TAF5L: variants seen among roughly 807,000 people sequenced by gnomAD.
The protein encoded by TAF5L is TATA-box binding protein associated factor 5 like.
In TAF5L, 7 loss-of-function variants were observed where a neutral mutation model predicts 51.3. The ratio of observed to expected loss-of-function variants is 0.14; its 90% CI spans 0.08 to 0.26. The LOEUF (loss-of-function observed/expected upper bound fraction) is 0.26. TAF5L is among the 10% of genes least tolerant of loss of function. The pLI, the probability that TAF5L is intolerant of heterozygous loss-of-function variation, is 1.00. For missense variants in TAF5L, 575 were observed against 758.9 expected (o/e 0.76, Z 2.85); for synonymous variants, 291 against 308.1 (o/e 0.94, Z 0.58).
At chr1:229,598,511 C>T (rs1445860312) in intron 4 of TAF5L, among the ~76,000 whole-genome samples, 1 of 152,120 alleles carries the variant, frequency 6.6e-6, no homozygotes, top group East Asian at 1.9e-4. Context: ...GAATTGCACA[C>T]AGCTGTTTTA....
In TAF5L at chr1:229,622,081, A is replaced by G. The variant is rs4925460; in HGVS notation, c.-4+3804T>C. On this transcript the variant is annotated intron_variant, in intron 1 of 4. Transcript: ENST00000258281. ...TCTATCTATCTATACAGATAGATAT[A>G]TATAGATATACAGATATGTGTGTGT... Among the ~76,000 whole-genome samples, 1,318 of 152,278 alleles carry G rather than the reference A, an allele frequency of 8.7e-3. 42 individuals carry two copies. Among genetic ancestry groups the G allele is most frequent in the Admixed American group, 0.049 (756 of 15,294 alleles).
chr1:229,594,573 G>A lies in TAF5L; in HGVS notation c.1494C>T (p.Ala498=), dbSNP rs1235528887. 6.2e-7 allele frequency: 1 copy of A among 1,614,076 alleles called. No individual in the cohort carries two copies. Among genetic ancestry groups the A allele is most frequent in the Non-Finnish European group, 8.5e-7 (1 of 1,180,044 alleles). The change falls in exon 5 of 5, where the codon GCC becomes GCT. Residue 498 remains alanine, a synonymous_variant. Transcript: ENST00000258281. This position sits in a 1 kb window ranked among gnomAD's most constrained non-coding sequence, Gnocchi z 7.9. ...TCAACTCTTTATAAAGGGTCCCAGAGGCCAAGTCCCACAGCTTCAACCGCT... is the reference window on the plus strand; with the variant it reads ...TCAACTCTTTATAAAGGGTCCCAGAAGCCAAGTCCCACAGCTTCAACCGCT...
At chr1:229,611,254 C>T (rs1450951967) in intron 2 of TAF5L, among the ~76,000 whole-genome samples, 2 of 152,126 alleles carry the variant, frequency 1.3e-5, no homozygotes. Context: ...CACACTTAAT[C>T]TCCAATCTGT....
intron 1 of TAF5L, among the ~76,000 whole-genome samples, chr1:229,614,970 G>C (rs1664925903): frequency 1.3e-5 from 2 of 152,208 alleles, no homozygotes; most frequent in African/African-American, 4.8e-5. Flanking sequence ...TGTTAACAAA[G>C]CATGAAGTTA....
intron 1 of TAF5L, among the ~76,000 whole-genome samples, chr1:229,619,992 G>A (rs1001874441): frequency 5.9e-5 from 9 of 151,836 alleles, no homozygotes; most frequent in African/African-American, 1.2e-4. Flanking sequence ...TTTCTTAGCC[G>A]GCTTAATGGT....
chr1:229,610,441 A>C (rs1323773595), intron 2 of TAF5L, among the ~76,000 whole-genome samples: 1 of 152,246 alleles, frequency 6.6e-6, no homozygotes, highest in African/African-American at 2.4e-5. Context: ...AAGGAAAGGC[A>C]TAAAGCACAG....
intron 2 of TAF5L, among the ~76,000 whole-genome samples, chr1:229,613,604 A>G (rs1664868163): frequency 6.6e-6 from 1 of 152,212 alleles, no homozygotes; most frequent in South Asian, 2.1e-4. Flanking sequence ...ATTAGGAATT[A>G]TAAGTAATCT....
In TAF5L at chr1:229,625,033, A is replaced by G. The variant is rs567039801; in HGVS notation, c.-4+852T>C. On this transcript the variant is annotated intron_variant, in intron 1 of 4. Coordinates refer to ENST00000258281, the Ensembl canonical transcript of TAF5L. This position sits in a 1 kb window ranked among gnomAD's most constrained non-coding sequence, Gnocchi z 4.0. ...GTTTAGGTACAGTAATTTAAGACAG[A>G]CACTGCATGGGACTGGCACTTACCT... Among the ~76,000 whole-genome samples the G allele has an allele frequency of 1.3e-4, 20 of 152,318 alleles. No homozygotes were observed. Among genetic ancestry groups the G allele is most frequent in the Non-Finnish European group, 2.6e-4 (18 of 68,020 alleles).
chr1:229,625,209 G>C lies in TAF5L; in HGVS notation c.-4+676C>G, dbSNP rs968573848. ...AACCATCCACTCACTTCGGACCAAC[G>C]CCTTATCGAATACATTTTCAAAAGC... On this transcript the variant is annotated intron_variant, in intron 1 of 4. Coordinates refer to ENST00000258281, the Ensembl canonical transcript of TAF5L. This position sits in a 1 kb window ranked among gnomAD's most constrained non-coding sequence, Gnocchi z 4.0. Among the ~76,000 whole-genome samples the C allele has an allele frequency of 6.6e-6, 1 of 152,132 alleles. No homozygotes were observed. The highest frequency in any genetic ancestry group is 1.5e-5 in the Non-Finnish European group (1 of 68,034).
At chr1:229,618,839 C>G (rs1436391809) in intron 1 of TAF5L, among the ~76,000 whole-genome samples, 1 of 151,978 alleles carries the variant, frequency 6.6e-6, no homozygotes, top group African/African-American at 2.4e-5. Context: ...GGTTAAAGTA[C>G]TACACAGTTC....
chr1:229,605,539 A>G (rs1261612440), intron 3 of TAF5L, among the ~76,000 whole-genome samples: 1 of 152,142 alleles, frequency 6.6e-6, no homozygotes, highest in Non-Finnish European at 1.5e-5. Flanking sequence ...TTACTTTTAC[A>G]TGTCAAACTG....
intron 1 of TAF5L, among the ~76,000 whole-genome samples, chr1:229,614,984 A>G (rs1271831356): frequency 6.6e-6 from 1 of 152,248 alleles, no homozygotes; most frequent in Non-Finnish European, 1.5e-5. Flanking sequence ...GAAGTTAACA[A>G]TGGTGAAGGG....
chr1:229,595,643 ATG>A (rs1265269132), intron 4 of TAF5L, among the ~76,000 whole-genome samples: 2 of 152,122 alleles, frequency 1.3e-5, no homozygotes, highest in Non-Finnish European at 2.9e-5. Context: ...ACAGCGACAC[ATG>A]AAGGCAGATG....
At chr1:229,621,502 A>G (rs1262904157) in intron 1 of TAF5L, among the ~76,000 whole-genome samples, 2 of 152,248 alleles carry the variant, frequency 1.3e-5, no homozygotes, top group African/African-American at 2.4e-5. Flanking sequence ...CACTGACAAT[A>G]TACAACACTC....
chr1:229,595,574 C>G (rs1029328840), intron 4 of TAF5L, among the ~76,000 whole-genome samples: 1 of 152,342 alleles, frequency 6.6e-6, no homozygotes, highest in African/African-American at 2.4e-5. Context: ...TAACTGACAA[C>G]AACATTTCGT....
At chr1:229,614,270 A>G in intron 2 of TAF5L, 71 bp downstream of exon 2, 1 of 1,613,462 alleles carries the variant, frequency 6.2e-7, no homozygotes, top group Non-Finnish European at 8.5e-7. Flanking sequence ...GAGGAGAAGT[A>G]ATTCCACATG....
chr1:229,611,190 A>G (rs1664772459), intron 2 of TAF5L, among the ~76,000 whole-genome samples: 1 of 152,122 alleles, frequency 6.6e-6, no homozygotes, highest in South Asian at 2.1e-4. Context: ...TTCCGGGCAT[A>G]TGAATTGGTG....
chr1:229,610,834 T>C (rs1375628026), intron 2 of TAF5L, among the ~76,000 whole-genome samples: 1 of 152,232 alleles, frequency 6.6e-6, no homozygotes, highest in Non-Finnish European at 1.5e-5. Flanking sequence ...TTTTATTTTT[T>C]ACTATCATGT....
At chr1:229,604,899 T>A (rs540959053) in intron 3 of TAF5L, among the ~76,000 whole-genome samples, 1 of 152,158 alleles carries the variant, frequency 6.6e-6, no homozygotes, top group Non-Finnish European at 1.5e-5. Context: ...TATCTTCGCA[T>A]TCTTTCCTTT....
Sources: gnomAD v4.1 joint callset for allele counts (sites outside exome capture counted in the v4.1 genomes callset) on GRCh38, gnomAD v4.1.1 for gene constraint, Gnocchi (gnomAD v3.1) non-coding constraint, MANE v1.5 for transcripts, NCBI Gene and HGNC (gene_info 2026-07-23, HGNC 2026-07-21) for gene names.